The following CLASP2 variants were observed in gnomAD, a reference collection of about 807,000 sequenced individuals.
CLASP2 encodes the protein CLIP-associating protein 2.
A neutral mutation model predicts 194.4 loss-of-function variants in CLASP2; 47 were observed. The ratio of observed to expected loss-of-function variants is 0.24; its 90% CI spans 0.19 to 0.31. CLASP2 has a LOEUF of 0.31. Ranked by LOEUF, CLASP2 falls within the 10% of genes least tolerant of loss-of-function variation. The pLI is 1.00. For synonymous variants in CLASP2, 619 were observed against 633.5 expected, an observed-to-expected ratio of 0.98 and a Z score of 0.34; for missense variants, 1,445 against 1,823.6, an observed-to-expected ratio of 0.79 and a Z score of 3.78.
At position 33,498,558 on chromosome 3, in the gene CLASP2, A is replaced by C; in HGVS notation, c.*73T>G. ...TAAGTTCCAAAGGATGTGTTTGAGA[A>C]CTTCCTTTCATTGATGAGGGTGGTC... On this transcript the variant is annotated 3_prime_UTR_variant, in exon 39 of 39. Coordinates refer to ENST00000682230, the MANE Select transcript of CLASP2 (RefSeq NM_001365631.1). The C allele has an allele frequency of 5.6e-6, 5 of 893,218 alleles. No homozygotes were observed. The highest frequency in any genetic ancestry group is 9.0e-6 in the Non-Finnish European group (5 of 555,006). The allele number at this position is 893,218 out of a possible 1,614,324, so 55.3% of individuals were successfully genotyped here.
chr3:33,571,450 G>A (rs2063756563), intron 25 of CLASP2, among the ~76,000 whole-genome samples: 1 of 150,864 alleles, frequency 6.6e-6, no homozygotes, highest in South Asian at 2.2e-4. Context: ...CCAACATGGT[G>A]AAACCCTGTC....
chr3:33,576,547 G>T, intron 23 of CLASP2: 1 of 367,162 alleles, frequency 2.7e-6, no homozygotes, highest in Non-Finnish European at 5.1e-6. Flanking sequence ...GCAGACTAAG[G>T]GCTTGCAAGT....
At chr3:33,685,413 T>C (rs963541087) in intron 5 of CLASP2, among the ~76,000 whole-genome samples, 10 of 150,766 alleles carry the variant, frequency 6.6e-5, no homozygotes, top group African/African-American at 2.4e-4. Context: ...AATAATTATA[T>C]TAATACAAAT....
At chr3:33,589,775 T>G (rs1247849558) in intron 21 of CLASP2, among the ~76,000 whole-genome samples, 1 of 152,148 alleles carries the variant, frequency 6.6e-6, no homozygotes, top group Non-Finnish European at 1.5e-5. Context: ...TGATCCTTAC[T>G]TACAATGTAC....
chr3:33,527,847 C>T (rs1559870188), intron 34 of CLASP2, among the ~76,000 whole-genome samples: 1 of 152,142 alleles, frequency 6.6e-6, no homozygotes, highest in Non-Finnish European at 1.5e-5. Flanking sequence ...CCTGTAATCC[C>T]AGCTATTCAG....
intron 18 of CLASP2, among the ~76,000 whole-genome samples, chr3:33,601,427 A>T (rs34293703): frequency 0.026 from 3,988 of 152,178 alleles, 101 homozygotes; most frequent in Non-Finnish European, 0.043. Flanking sequence ...TATATGTAGA[A>T]TTTTTTCTAT....
chr3:33,604,019 C>T, intron 17 of CLASP2, 135 bp downstream of exon 17: 1 of 644,078 alleles, frequency 1.6e-6, no homozygotes. Flanking sequence ...TATACATATA[C>T]AGGTACAGTG....
intron 8 of CLASP2, among the ~76,000 whole-genome samples, chr3:33,639,977 A>G (rs540949377): frequency 1.3e-5 from 2 of 152,332 alleles, no homozygotes; most frequent in African/African-American, 4.8e-5. Context: ...TGGGCACATC[A>G]TTCAATGCTC....
At chr3:33,556,910 T>TTA (rs934885140) in intron 29 of CLASP2, among the ~76,000 whole-genome samples, 1 of 152,158 alleles carries the variant, frequency 6.6e-6, no homozygotes, top group African/African-American at 2.4e-5. Context: ...AATCTTCGCT[T>TTA]TGTCTTTCTC....
intron 30 of CLASP2, among the ~76,000 whole-genome samples, chr3:33,551,015 G>A (rs935556520): frequency 2.0e-5 from 3 of 152,156 alleles, no homozygotes; most frequent in Non-Finnish European, 4.4e-5. Flanking sequence ...TATTCCGAAT[G>A]GTGATAAAAT....
intron 7 of CLASP2, among the ~76,000 whole-genome samples, chr3:33,662,679 C>T (rs879935333): frequency 1.2e-4 from 18 of 152,048 alleles, no homozygotes; most frequent in Admixed American, 5.9e-4. Context: ...ATTTTTACTC[C>T]AACATCATTT....
chr3:33,527,361 T>C (rs1446822883), intron 34 of CLASP2, among the ~76,000 whole-genome samples: 1 of 152,128 alleles, frequency 6.6e-6, no homozygotes, highest in Non-Finnish European at 1.5e-5. Context: ...CTAGAAAACC[T>C]AGAAGAGACA....
intron 6 of CLASP2, among the ~76,000 whole-genome samples, chr3:33,680,149 G>T (rs761345102): frequency 7.2e-5 from 11 of 152,204 alleles, no homozygotes; most frequent in Admixed American, 1.3e-4. Context: ...TTGTATGAAT[G>T]TAACTATATG....
chr3:33,499,735 A>C (rs1466645744), intron 38 of CLASP2, among the ~76,000 whole-genome samples: 1 of 152,154 alleles, frequency 6.6e-6, no homozygotes, highest in East Asian at 1.9e-4. Flanking sequence ...ATAATAACAA[A>C]CAATTGAGTA....
chr3:33,573,487 C>G, intron 24 of CLASP2, 133 bp from the exon 25 acceptor site: 1 of 898,648 alleles, frequency 1.1e-6, no homozygotes. Context: ...ATTGTAATAA[C>G]AGAATGTCAG....
chr3:33,529,279 A>G (rs1321840211), intron 34 of CLASP2, among the ~76,000 whole-genome samples: 1 of 152,252 alleles, frequency 6.6e-6, no homozygotes, highest in East Asian at 1.9e-4. Flanking sequence ...TGCTATTCCT[A>G]TCAAACTACC....
chr3:33,550,654 A>C (rs1456345036), intron 30 of CLASP2, among the ~76,000 whole-genome samples: 1 of 152,130 alleles, frequency 6.6e-6, no homozygotes, highest in African/African-American at 2.4e-5. Context: ...CTTAAAAAAA[A>C]AAAGTAGGCA....
intron 7 of CLASP2, chr3:33,645,230 T>C: frequency 1.3e-6 from 1 of 764,872 alleles, no homozygotes. Context: ...TCCCATAGTG[T>C]ATCTTCTAGC....
At chr3:33,646,520 T>TA (rs541756973) in intron 7 of CLASP2, among the ~76,000 whole-genome samples, 100 of 151,864 alleles carry the variant, frequency 6.6e-4, no homozygotes, top group African/African-American at 1.9e-3. Flanking sequence ...ACTGTTATGT[T>TA]AAAAAAAATG....
Sources: gnomAD v4.1 joint callset for allele counts (sites outside exome capture counted in the v4.1 genomes callset) on GRCh38, gnomAD v4.1.1 for gene constraint, MANE v1.5 for transcripts, NCBI Gene and HGNC (gene_info 2026-07-23, HGNC 2026-07-21) for gene names.